The following CREB1 variants were observed in gnomAD, a reference collection of about 807,000 sequenced individuals.
CREB1 encodes cAMP responsive element binding protein 1.
CREB1 carries 2 observed loss-of-function variants against 42.0 expected under a neutral mutation model. The observed-to-expected ratio is 0.05, with a 90% confidence interval of 0.02 to 0.15. CREB1 has a LOEUF of 0.15. Among genes scored for constraint, CREB1 ranks in the 10% least tolerant of loss-of-function variants. The pLI, the probability that CREB1 is intolerant of heterozygous loss-of-function variation, is 1.00. For synonymous variants in CREB1, 123 were observed against 139.9 expected, an observed-to-expected ratio of 0.88 and a Z score of 0.85; for missense variants, 199 against 388.9, an observed-to-expected ratio of 0.51 and a Z score of 4.11.
At chr2:207,593,185 T>G (rs535751663) in intron 7 of CREB1, among the ~76,000 whole-genome samples, 17 of 152,350 alleles carry the variant, frequency 1.1e-4, no homozygotes, top group African/African-American at 4.1e-4. Flanking sequence ...ATCTTACATG[T>G]TATCCACCAT....
chr2:207,589,890 C>G (rs2084633287), intron 7 of CREB1, among the ~76,000 whole-genome samples: 1 of 152,046 alleles, frequency 6.6e-6, no homozygotes, highest in Non-Finnish European at 1.5e-5. Flanking sequence ...ACGTTTATGG[C>G]TAATATGGGA....
intron 3 of CREB1, among the ~76,000 whole-genome samples, chr2:207,563,559 A>G (rs1404174088): frequency 1.3e-5 from 2 of 152,228 alleles, no homozygotes; most frequent in Non-Finnish European, 2.9e-5. Context: ...TTTGTTATCT[A>G]CATGAAGTTT....
intron 1 of CREB1, among the ~76,000 whole-genome samples, chr2:207,555,222 T>G (rs1414186225): frequency 1.3e-5 from 2 of 152,204 alleles, no homozygotes; most frequent in African/African-American, 4.8e-5. Flanking sequence ...TAATAAACTC[T>G]GTCATCATTA....
intron 1 of CREB1, among the ~76,000 whole-genome samples, chr2:207,534,324 C>T (rs1212130122): frequency 1.3e-5 from 2 of 152,274 alleles, no homozygotes; most frequent in South Asian, 4.1e-4. Flanking sequence ...GCAACCTCTG[C>T]TTCCTGGATT....
At chr2:207,584,500 T>C (rs1205125200) in intron 7 of CREB1, among the ~76,000 whole-genome samples, 1 of 152,082 alleles carries the variant, frequency 6.6e-6, no homozygotes, top group Non-Finnish European at 1.5e-5. Flanking sequence ...GCCTCCTGGG[T>C]TCAAGAGATT....
rs1411434878 is a variant in CREB1, at chr2:207,570,218, G to C, written c.402G>C (p.Val134=). The part of the protein sequence containing the change: ...LNDLSSDAPG[V]PRIEEEKSEE... The stretch of plus-strand genomic sequence containing the variant: ...ACTTATCTTCTGATGCACCAGGAGT[G>C]CCAAGGATTGAAGAAGAGAAGTCTG... Residue 134 remains valine (V), a synonymous_variant, in exon 5 of 8, where the codon GTG becomes GTC. Transcript: ENST00000353267. 1 of 1,613,504 alleles carries C rather than the reference G, an allele frequency of 6.2e-7. No individual in the cohort carries two copies. Among genetic ancestry groups the C allele is most frequent in the Non-Finnish European group, 8.5e-7 (1 of 1,179,654 alleles).
intron 1 of CREB1, among the ~76,000 whole-genome samples, chr2:207,532,449 C>T (rs1264548566): frequency 1.3e-5 from 2 of 151,876 alleles, no homozygotes; most frequent in Non-Finnish European, 2.9e-5. Flanking sequence ...CCGAGGCAGG[C>T]GGCTCACGAG....
Position 207,575,327 on chromosome 2 carries a change from A to G in CREB1, c.561A>G (p.Val187=). Residue 187 remains valine, a synonymous_variant, in exon 6 of 8, where the codon GTA becomes GTG. Transcript: ENST00000353267. The part of the protein sequence containing the change: ...IQLANNGTDG[V]QGLQTLTMTN... ...TGGCTAACAATGGTACCGATGGGGT[A>G]CAGGGCCTGCAAACATTAACCATGA... The G allele has an allele frequency of 1.2e-6, 2 of 1,614,176 alleles. No individual in the cohort carries two copies. Among genetic ancestry groups the G allele is most frequent in the Non-Finnish European group, 1.7e-6 (2 of 1,180,004 alleles).
At chr2:207,570,055 A>C (rs2082299077) in intron 4 of CREB1, 124 bp from the exon 5 acceptor site, 1 of 661,992 alleles carries the variant, frequency 1.5e-6, no homozygotes, top group Admixed American at 3.5e-5. Context: ...AAAAAAAAAA[A>C]AAAAAAACCT....
Position 207,598,189 on chromosome 2 carries a change from TA to T in CREB1, c.*1136del, listed in dbSNP as rs1322361363. On this transcript the variant is annotated 3_prime_UTR_variant, in exon 8 of 8. Transcript: ENST00000353267. The stretch of plus-strand genomic sequence containing the variant: ...TTAAATGAAAGAAGTTGTAAGGATA[TA>T]AAAAGTACAGTGTTAGATGTGCACA... 4.4e-5 allele frequency: 8 copies of T among 182,132 alleles called. No individual in the cohort carries two copies. In the East Asian group the frequency reaches 7.2e-4, roughly 16 times the overall value. The allele number at this position is 182,132 out of a possible 1,614,324, so 11.3% of individuals were successfully genotyped here. A position where few individuals can be genotyped will look rare whatever the true frequency, so the allele number is the denominator to read the frequency against.
rs1254031455 is a variant in CREB1, at chr2:207,601,888, T to G, written c.*4830T>G. On this transcript the variant is annotated 3_prime_UTR_variant, in exon 8 of 8. Coordinates refer to ENST00000353267, the MANE Select transcript of CREB1 (RefSeq NM_004379.5). Reference sequence around the variant, plus strand: ...GGAGGCTTACATACATCTTGAATATTCTTAATGTAATAATGTTGACTATTA... The same window carrying G: ...GGAGGCTTACATACATCTTGAATATGCTTAATGTAATAATGTTGACTATTA... The G allele has an allele frequency of 1.4e-5, 3 of 214,896 alleles. No individual in the cohort carries two copies. The highest frequency in any genetic ancestry group is 2.3e-5 in the African/African-American group (1 of 44,318). 13.3% of individuals were successfully genotyped at this position (214,896 alleles called of 1,614,324 possible).
Position 207,603,431 on chromosome 2 carries a change from C to G in CREB1, c.*6373C>G. On this transcript the variant is annotated 3_prime_UTR_variant, in exon 8 of 8. Transcript: ENST00000353267. Reference sequence around the variant, plus strand: ...TCACATAAACATGCTTTTAAAAACTCTGTAAGTCTCTTTTTTGGGGATGGG... The same window carrying G: ...TCACATAAACATGCTTTTAAAAACTGTGTAAGTCTCTTTTTTGGGGATGGG... 4.4e-6 allele frequency: 1 copy of G among 224,792 alleles called. No homozygotes were observed. The highest frequency in any genetic ancestry group is 6.5e-5 in the East Asian group (1 of 15,484). 13.9% of individuals were successfully genotyped at this position (224,792 alleles called of 1,614,324 possible).
At chr2:207,554,269 T>G (rs976544704) in intron 1 of CREB1, among the ~76,000 whole-genome samples, 2 of 152,220 alleles carry the variant, frequency 1.3e-5, no homozygotes, top group African/African-American at 4.8e-5. Flanking sequence ...TGTAAAACAC[T>G]TTCTTTTTAT....
rs1559290231 is a variant in CREB1 at position 207,567,573 on chromosome 2, TTAA to T, written c.362+13_362+15del. 6.3e-7 allele frequency: 1 copy of T among 1,583,818 alleles called. No homozygotes were observed. ...GGAGGCCTTCCTACAGGTATGGAATTTAATAGTTAGAATCAAAGATGTGGAGGA... is the reference window on the plus strand; with the variant it reads ...GGAGGCCTTCCTACAGGTATGGAATTTAGTTAGAATCAAAGATGTGGAGGA... On this transcript the variant is annotated intron_variant, in intron 4 of 7. Transcript: ENST00000353267.
rs962717125 is a variant in CREB1 at position 207,605,463 on chromosome 2, T to A, written c.*8405T>A. Among the ~76,000 whole-genome samples the A allele has an allele frequency of 2.0e-5, 3 of 152,224 alleles. No individual in the cohort carries two copies. Among genetic ancestry groups the A allele is most frequent in the Admixed American group, 2.0e-4 (3 of 15,280 alleles). ...TAGGCCCTTATAATATTTTCGCCTATAAGTTTTTGCTTTATAATGTCCTCA... is the reference window on the plus strand; with the variant it reads ...TAGGCCCTTATAATATTTTCGCCTAAAAGTTTTTGCTTTATAATGTCCTCA... On this transcript the variant is annotated 3_prime_UTR_variant, in exon 8 of 8. Coordinates refer to ENST00000353267, the MANE Select transcript of CREB1 (RefSeq NM_004379.5).
chr2:207,566,308 C>T (rs2082136633), intron 3 of CREB1, among the ~76,000 whole-genome samples: 1 of 152,160 alleles, frequency 6.6e-6, no homozygotes, highest in Admixed American at 6.5e-5. Context: ...TTCTTACTGC[C>T]ATTGCCATAC....
intron 6 of CREB1, among the ~76,000 whole-genome samples, chr2:207,576,186 T>C (rs991226764): frequency 1.3e-5 from 2 of 151,026 alleles, no homozygotes; most frequent in Non-Finnish European, 2.9e-5. Flanking sequence ...TGCTGCTCTT[T>C]AGAGAAAAAG....
intron 1 of CREB1, among the ~76,000 whole-genome samples, chr2:207,552,911 C>T (rs530137646): frequency 1.3e-5 from 2 of 151,300 alleles, no homozygotes; most frequent in East Asian, 2.0e-4. Flanking sequence ...CCACCGCGCC[C>T]GGCTGTGAAT....
chr2:207,596,000 A>G (rs935129370), intron 7 of CREB1, among the ~76,000 whole-genome samples: 6 of 151,928 alleles, frequency 3.9e-5, no homozygotes, highest in Non-Finnish European at 7.4e-5. Context: ...CTATTTGTCT[A>G]TTTTTGCTTT....
Sources: allele counts gnomAD v4.1 joint callset (sites outside exome capture counted in the v4.1 genomes callset), GRCh38; gene constraint gnomAD v4.1.1; transcripts MANE v1.5; gene names NCBI Gene and HGNC (gene_info 2026-07-23, HGNC 2026-07-21).